SEPTIN8: variants seen among roughly 807,000 people sequenced by gnomAD.
SEPTIN8 encodes the protein septin-8.
Under a neutral mutation model 53.1 loss-of-function variants are expected in SEPTIN8, and 22 were observed. The observed-to-expected ratio is 0.41, with a 90% CI of 0.30 to 0.59. SEPTIN8 has a LOEUF of 0.59. Among genes scored for constraint, SEPTIN8 ranks in the 20% least tolerant of loss-of-function variants. The probability of loss-of-function intolerance (pLI) is 0.24; values close to 1 mark genes in which losing one functional copy is unlikely to be tolerated. For missense variants in SEPTIN8, 536 were observed against 638.7 expected (o/e 0.84, Z 1.73); for synonymous variants, 228 against 248.4 (o/e 0.92, Z 0.77).
chr5:132,776,584 G>A lies in SEPTIN8; in HGVS notation c.30+524C>T, dbSNP rs940395169. On this transcript the variant is annotated intron_variant, in intron 1 of 9. Coordinates refer to ENST00000378719, the MANE Select transcript of SEPTIN8 (RefSeq NM_001098811.2). This position sits in a 1 kb window ranked among gnomAD's most constrained non-coding sequence, Gnocchi z 4.4. ...GGGGAGCGGGGCAGAGGGGAGCGGG[G>A]GAGGAAGGAAAAGCAGGCCAAGGGT... 6.6e-6 allele frequency among the ~76,000 whole-genome samples: 1 copy of A among 152,200 alleles called. No homozygotes were observed. Among genetic ancestry groups the A allele is most frequent in the Admixed American group, 6.5e-5 (1 of 15,302 alleles).
chr5:132,778,686 T>C (rs1757974050), upstream of SEPTIN8, among the ~76,000 whole-genome samples: 1 of 152,164 alleles, frequency 6.6e-6, no homozygotes, highest in Admixed American at 6.5e-5. Context: ...ATGCCTCCCT[T>C]CCCTGGTCCT....
chr5:132,765,352 C>G (rs972816727), intron 2 of SEPTIN8, 57 bp downstream of exon 2: 78 of 1,597,796 alleles, frequency 4.9e-5, no homozygotes, highest in Non-Finnish European at 6.0e-5. Context: ...CAGAAGCACC[C>G]CCTCTCCCAG....
chr5:132,764,355 C>T lies in SEPTIN8; in HGVS notation c.216G>A (p.Glu72=). 5.0e-6 allele frequency: 8 copies of T among 1,614,224 alleles called. No homozygotes were observed. The highest frequency in any genetic ancestry group is 1.3e-5 in the African/African-American group (1 of 75,066). The change falls in exon 3 of 10, where the codon GAG becomes GAA. Residue 72 remains glutamate (E), a synonymous_variant. Transcript: ENST00000378719. The stretch of plus-strand genomic sequence containing the variant: ...CGCATGCCTCATGGTGACTGGCTTC[C>T]TCAGTCTCGAAGGTCGTGTTGAAGA... ...NTLFNTTFET[E]EASHHEACVR...
intron 9 of SEPTIN8, among the ~76,000 whole-genome samples, chr5:132,755,273 C>G (rs1264007858): frequency 6.6e-6 from 1 of 152,176 alleles, no homozygotes; most frequent in Non-Finnish European, 1.5e-5. Context: ...TACTTTTTAT[C>G]ACTTCTTTTC....
intron 1 of SEPTIN8, among the ~76,000 whole-genome samples, chr5:132,768,173 G>C (rs1239990050): frequency 6.6e-6 from 1 of 152,128 alleles, no homozygotes; most frequent in East Asian, 1.9e-4. Flanking sequence ...GGCTCTCTCT[G>C]TGGAAGTGTG....
chr5:132,754,289 G>A (rs1176360303), intron 9 of SEPTIN8: 1 of 653,526 alleles, frequency 1.5e-6, no homozygotes, highest in East Asian at 2.7e-5. Flanking sequence ...TTTTACAGAT[G>A]GAGATGCTGA....
chr5:132,758,879 C>A, intron 9 of SEPTIN8: 1 of 1,527,738 alleles, frequency 6.5e-7, no homozygotes, highest in East Asian at 2.3e-5. Flanking sequence ...AAAAGATATG[C>A]AGACCAAATC....
In SEPTIN8 at chr5:132,764,251, A is replaced by C; in HGVS notation, c.320T>G (p.Phe107Cys). The change falls in exon 3 of 10, where the codon TTT becomes TGT. Residue 107 changes from phenylalanine (F) to cysteine (C), a missense_variant. This residue lies in a region of SEPTIN8 where 395 missense variants were observed against 451.8 expected (regional missense o/e 0.87). Coordinates refer to ENST00000378719, the MANE Select transcript of SEPTIN8 (RefSeq NM_001098811.2). ...LKLTIVDAVG[F>C]GDQINKDESY... is the part of the protein sequence containing the mutation. ...CTCATCCTTATTGATCTGATCCCCA[A>C]AGCCCACGGCATCCACAATGGTCAG... The C allele has an allele frequency of 6.2e-7, 1 of 1,613,798 alleles. No individual in the cohort carries two copies. Among genetic ancestry groups the C allele is most frequent in the East Asian group, 2.2e-5 (1 of 44,872 alleles).
At chr5:132,759,119 A>G in intron 9 of SEPTIN8, 1 of 533,422 alleles carries the variant, frequency 1.9e-6, no homozygotes, top group Non-Finnish European at 3.7e-6. Flanking sequence ...CCCCCATTCC[A>G]AAAATGCACT....
rs1004549818 is a variant in SEPTIN8, at chr5:132,776,359, G to A, written c.30+749C>T. On this transcript the variant is annotated intron_variant, in intron 1 of 9. Coordinates refer to ENST00000378719, the MANE Select transcript of SEPTIN8 (RefSeq NM_001098811.2). The surrounding 1 kb of genome is among the most constrained non-coding windows in gnomAD (Gnocchi z 4.4). ...AGTGAATTATGAAAGCCTTTAGTAA[G>A]TTGGCTGTCGGCAGGCTCAGGCCCA... Among the ~76,000 whole-genome samples the A allele has an allele frequency of 5.3e-5, 8 of 152,222 alleles. No homozygotes were observed. The highest frequency in any genetic ancestry group is 1.2e-4 in the Non-Finnish European group (8 of 68,052).
intron 1 of SEPTIN8, among the ~76,000 whole-genome samples, chr5:132,770,584 T>C (rs1028700299): frequency 3.9e-5 from 6 of 152,128 alleles, no homozygotes; most frequent in Non-Finnish European, 8.8e-5. Flanking sequence ...AGGGGGCTGG[T>C]GTGGGCCAAA....
At chr5:132,764,640 C>G (rs932270556) in intron 2 of SEPTIN8, among the ~76,000 whole-genome samples, 1 of 152,184 alleles carries the variant, frequency 6.6e-6, no homozygotes, top group Non-Finnish European at 1.5e-5. Context: ...AAAAGGTGAA[C>G]TTGGACAGAA....
At chr5:132,775,784 T>C (rs1423368586) in intron 1 of SEPTIN8, 2 of 152,332 alleles carry the variant, frequency 1.3e-5, no homozygotes, top group East Asian at 3.9e-4. Flanking sequence ...ATTCAGGCAC[T>C]GCCCTCCTCC....
chr5:132,769,548 T>C (rs988072379), intron 1 of SEPTIN8, among the ~76,000 whole-genome samples: 1 of 152,122 alleles, frequency 6.6e-6, no homozygotes, highest in Non-Finnish European at 1.5e-5. Flanking sequence ...ATAACTAACA[T>C]GTATTGCATG....
chr5:132,777,753 C>G, upstream of SEPTIN8: 2 of 985,450 alleles, frequency 2.0e-6, no homozygotes, highest in Non-Finnish European at 2.4e-6. This position sits in a 1 kb window ranked among gnomAD's most constrained non-coding sequence, Gnocchi z 4.1. Context: ...TGTCTTGGGC[C>G]CCACCTGATG....
In SEPTIN8 at chr5:132,764,248, C is replaced by G. The variant is rs1201422350; in HGVS notation, c.323G>C (p.Gly108Ala). ...CCTCTCATCCTTATTGATCTGATCC[C>G]CAAAGCCCACGGCATCCACAATGGT... is the stretch of plus-strand genomic sequence containing the variant. ...KLTIVDAVGF[G>A]DQINKDESYR... is the part of the protein sequence containing the mutation. Residue 108 changes from glycine (G) to alanine (A), a missense_variant, in exon 3 of 10, where the codon GGG becomes GCG. Coordinates refer to ENST00000378719, the MANE Select transcript of SEPTIN8 (RefSeq NM_001098811.2). 2 of 1,613,570 alleles carry G rather than the reference C, an allele frequency of 1.2e-6. No homozygotes were observed. Among genetic ancestry groups the G allele is most frequent in the Non-Finnish European group, 1.7e-6 (2 of 1,179,800 alleles).
At chr5:132,762,412 G>A in intron 5 of SEPTIN8, 72 bp downstream of exon 5, 4 of 1,451,394 alleles carry the variant, frequency 2.8e-6, no homozygotes, top group Non-Finnish European at 3.8e-6. Flanking sequence ...GAGTCTCCTG[G>A]GGCTGTGTCA....
intron 9 of SEPTIN8, chr5:132,757,089 T>G (rs929082215): frequency 6.2e-5 from 61 of 985,328 alleles, no homozygotes; most frequent in Non-Finnish European, 6.9e-5. Flanking sequence ...AGTTTTCAAT[T>G]GCAACCAGAT....
intron 1 of SEPTIN8, among the ~76,000 whole-genome samples, chr5:132,769,492 G>A (rs1480972630): frequency 6.6e-6 from 1 of 152,158 alleles, no homozygotes; most frequent in African/African-American, 2.4e-5. Context: ...AACATATATA[G>A]GTGAAGGGGA....
Sources: allele counts gnomAD v4.1 joint callset (sites outside exome capture counted in the v4.1 genomes callset), GRCh38; gene constraint gnomAD v4.1.1; regional missense constraint gnomAD v4.1.1; non-coding constraint Gnocchi (gnomAD v3.1); transcripts MANE v1.5; gene names NCBI Gene and HGNC (gene_info 2026-07-23, HGNC 2026-07-21).